The following MAMDC4 variants were observed in gnomAD, a reference collection of about 807,000 sequenced individuals.
MAMDC4 encodes the protein MAM domain containing 4, also known as apical endosomal glycoprotein.
In MAMDC4, 168 loss-of-function variants were observed where a neutral mutation model predicts 153.3. The ratio of observed to expected loss-of-function variants is 1.10; its 90% CI spans 0.97 to 1.25. The LOEUF is 1.25. Among genes scored for constraint, MAMDC4 ranks in the 50% most tolerant of loss-of-function variants. The probability of loss-of-function intolerance (pLI) is 0.00; values close to 1 mark genes in which losing one functional copy is unlikely to be tolerated. For missense variants in MAMDC4, 1,701 were observed against 1,542.8 expected, an observed-to-expected ratio of 1.10 and a Z score of -1.72; for synonymous variants, 744 against 651.5, an observed-to-expected ratio of 1.14 and a Z score of -2.16.
chr9:136,856,014 C>A lies in MAMDC4; in HGVS notation c.1589-4C>A. The stretch of plus-strand genomic sequence containing the variant: ...AGGCTCTGAGCACCATGCTCTTCCC[C>A]TAGGGCACTTCCTGTCTCTGCAGCG... On this transcript the variant is annotated splice_region_variant and splice_polypyrimidine_tract_variant and intron_variant, in intron 13 of 26. Transcript: ENST00000317446. 6.2e-7 allele frequency: 1 copy of A among 1,609,170 alleles called. No individual in the cohort carries two copies. Among genetic ancestry groups the A allele is most frequent in the Non-Finnish European group, 8.5e-7 (1 of 1,178,046 alleles).
At chr9:136,852,902 C>G (rs1848946267) in intron 1 of MAMDC4, among the ~76,000 whole-genome samples, 200 bp from the exon 2 acceptor site, 1 of 152,224 alleles carries the variant, frequency 6.6e-6, no homozygotes, top group South Asian at 2.1e-4. Context: ...CTCTTCAGGG[C>G]TGGAAACAGG....
chr9:136,855,367 C>T (rs1242883788), intron 11 of MAMDC4, 29 bp downstream of exon 11: 13 of 1,600,130 alleles, frequency 8.1e-6, no homozygotes, highest in Non-Finnish European at 1.1e-5. Context: ...CCCTACCCTG[C>T]CTTGCCCTGG....
rs553571736 is a variant in MAMDC4, at chr9:136,853,546, C to G, written c.330C>G (p.Gly110=). The stretch of plus-strand genomic sequence containing the variant: ...CTCCTGACCTCTCACCTGCGCCAGG[C>G]TGGTACATGGCCGTTGGAACCCACC... The part of the protein sequence containing the change: ...HSDHTLGTDL[G]WYMAVGTHRG... Residue 110 remains glycine (G), a splice_region_variant and synonymous_variant, in exon 4 of 27, where the codon GGC becomes GGG. Transcript: ENST00000317446. 2 of 1,612,692 alleles carry G rather than the reference C, an allele frequency of 1.2e-6. No homozygotes were observed. The highest frequency in any genetic ancestry group is 2.2e-5 in the East Asian group (1 of 44,882).
At chr9:136,858,610 C>T in intron 22 of MAMDC4, 64 bp downstream of exon 22, 1 of 1,580,914 alleles carries the variant, frequency 6.3e-7, no homozygotes, top group Non-Finnish European at 8.6e-7. Context: ...GCTGCCCACC[C>T]ACAGAGTACA....
At chr9:136,852,584 A>C in intron 1 of MAMDC4, 122 bp downstream of exon 1, 2 of 1,299,486 alleles carry the variant, frequency 1.5e-6, no homozygotes, top group Non-Finnish European at 2.2e-6. Flanking sequence ...GGAGGGTTGC[A>C]AGGTACTACC....
chr9:136,859,918 G>A lies in MAMDC4; in HGVS notation c.3226G>A (p.Val1076Met). 2 of 1,612,602 alleles carry A rather than the reference G, an allele frequency of 1.2e-6. No homozygotes were observed. Among genetic ancestry groups the A allele is most frequent in the South Asian group, 1.1e-5 (1 of 91,060 alleles). ...AGCCGCACCCGGGTCTGTGCCAGCT[G>A]TGGTTGGCAGTGCCCTCCTATTGCT... ...NTAAPGSVPAVVGSALLLLML... is the reference protein window; with the variant it reads ...NTAAPGSVPAMVGSALLLLML... The change falls in exon 26 of 27, where the codon GTG (valine) becomes ATG (methionine). Residue 1076 changes from valine to methionine, a missense_variant. By Grantham distance (21) the Val-to-Met change is conservative. Coordinates refer to ENST00000317446, the MANE Select transcript of MAMDC4 (RefSeq NM_206920.3).
intron 23 of MAMDC4, 39 bp from the exon 24 acceptor site, chr9:136,858,966 C>T: frequency 1.3e-6 from 2 of 1,509,980 alleles, no homozygotes; most frequent in Non-Finnish European, 8.9e-7. Context: ...GCAGGAGCCC[C>T]AGGACCCCAG....
chr9:136,855,931 A>G, intron 13 of MAMDC4, 83 bp downstream of exon 13: 1 of 1,535,736 alleles, frequency 6.5e-7, no homozygotes, highest in Non-Finnish European at 8.8e-7. Context: ...CCTCTGCACT[A>G]CAGAGGGTCT....
Position 136,852,370 on chromosome 9 carries a change from A to G in MAMDC4, c.-47A>G, listed in dbSNP as rs1412834559. On this transcript the variant is annotated 5_prime_UTR_variant, in exon 1 of 27. Transcript: ENST00000317446. ...CAGCGCAGGCTGATAACCGCACGGA[A>G]CTTCCCAGGCACCCTGTGTGGCCGC... The G allele has an allele frequency of 6.2e-7, 1 of 1,604,232 alleles. No individual in the cohort carries two copies. The highest frequency in any genetic ancestry group is 8.5e-7 in the Non-Finnish European group (1 of 1,179,050).
chr9:136,858,453 G>C lies in MAMDC4; in HGVS notation c.2728G>C (p.Gly910Arg), dbSNP rs138696111. Residue 910 changes from glycine (G) to arginine (R), a missense_variant, in exon 22 of 27, where the codon GGC (glycine) becomes CGC (arginine). Coordinates refer to ENST00000317446, the MANE Select transcript of MAMDC4 (RefSeq NM_206920.3). ...LCGWSHLAWP[G>R]LGGYSWDWGG... ...TGGCTGGAGCCACCTGGCCTGGCCC[G>C]GCCTGGGCGGATACAGCTGGGACTG... The C allele has an allele frequency of 6.2e-7, 1 of 1,607,686 alleles. No individual in the cohort carries two copies. Among genetic ancestry groups the C allele is most frequent in the Non-Finnish European group, 8.5e-7 (1 of 1,179,696 alleles).
chr9:136,853,137 T>G lies in MAMDC4; in HGVS notation c.82T>G (p.Cys28Gly). 6.2e-7 allele frequency: 1 copy of G among 1,612,778 alleles called. No individual in the cohort carries two copies. Among genetic ancestry groups the G allele is most frequent in the Admixed American group, 1.7e-5 (1 of 60,014 alleles). Residue 28 changes from cysteine (C) to glycine (G), a missense_variant, in exon 2 of 27, where the codon TGC (cysteine) becomes GGC (glycine). Cys to Gly is a radical substitution (Grantham distance 159, BLOSUM62 -3). Transcript: ENST00000317446. The part of the protein sequence containing the change: ...SSGWAWVPNH[C>G]RSPGQAVCNF... The stretch of plus-strand genomic sequence containing the variant: ...AGGCTGGGCCTGGGTCCCCAACCAC[T>G]GCAGGAGCCCTGGCCAGGCCGTGTG...
At chr9:136,855,689 G>A in intron 12 of MAMDC4, 43 bp from the exon 13 acceptor site, 1 of 1,568,686 alleles carries the variant, frequency 6.4e-7, no homozygotes, top group Non-Finnish European at 8.6e-7. Flanking sequence ...GGCAGGCTGA[G>A]GACTCTGAGG....
At chr9:136,855,899 C>T (rs942249173) in intron 13 of MAMDC4, 51 bp downstream of exon 13, 5 of 1,488,876 alleles carry the variant, frequency 3.4e-6, no homozygotes, top group Middle Eastern at 2.4e-4. Flanking sequence ...TGAGCAGCGT[C>T]CTCAGAGGGG....
At position 136,859,952 on chromosome 9, in the gene MAMDC4, T is replaced by C. The variant is rs760792029; in HGVS notation, c.3260T>C (p.Leu1087Pro). 2 of 1,613,064 alleles carry C rather than the reference T, an allele frequency of 1.2e-6. No individual in the cohort carries two copies. The highest frequency in any genetic ancestry group is 1.7e-6 in the Non-Finnish European group (2 of 1,179,936). ...VGSALLLLML[L>P]VLLGLGGRRW... is the part of the protein sequence containing the mutation. ...AGTGCCCTCCTATTGCTCATGCTCC[T>C]GGTGCTGCTGGGACTTGGGGGACGG... The change falls in exon 26 of 27, where the codon CTG (leucine) becomes CCG (proline). Residue 1087 changes from leucine to proline, a missense_variant. Leu to Pro is a moderately conservative substitution (Grantham distance 98). Coordinates refer to ENST00000317446, the MANE Select transcript of MAMDC4 (RefSeq NM_206920.3).
chr9:136,853,049 G>A, intron 1 of MAMDC4, 53 bp from the exon 2 acceptor site: 1 of 1,486,070 alleles, frequency 6.7e-7, no homozygotes. Flanking sequence ...TAGGCAGGCT[G>A]GGATGGCTGG....
intron 22 of MAMDC4, 81 bp from the exon 23 acceptor site, chr9:136,858,638 G>A (rs1472672210): frequency 3.0e-5 from 48 of 1,596,146 alleles, no homozygotes; most frequent in Non-Finnish European, 3.9e-5. Flanking sequence ...TCCAGAGGAG[G>A]CCCTGCTCAC....
At chr9:136,860,528 GA>G (rs1315756400) in intron 26 of MAMDC4, 33 bp from the exon 27 acceptor site, 1 of 1,598,680 alleles carries the variant, frequency 6.3e-7, no homozygotes. Flanking sequence ...TCTCAGGAAA[GA>G]AAGAAAAAAA....
chr9:136,857,672 G>A lies in MAMDC4; in HGVS notation c.2340G>A (p.Val780=). The A allele has an allele frequency of 1.2e-6, 2 of 1,612,568 alleles. No homozygotes were observed. Among genetic ancestry groups the A allele is most frequent in the Non-Finnish European group, 8.5e-7 (1 of 1,179,844 alleles). ...TTETAQGHYM[V]VDTSPDALPR... ...TGGCACCTCCAGGGCACTACATGGT[G>A]GTGGACACAAGCCCAGACGCACTAC... The change falls in exon 19 of 27, where the codon GTG becomes GTA. Residue 780 remains valine, a synonymous_variant. Coordinates refer to ENST00000317446, the MANE Select transcript of MAMDC4 (RefSeq NM_206920.3).
At position 136,854,634 on chromosome 9, in the gene MAMDC4, C is replaced by T. The variant is rs1258381238; in HGVS notation, c.892C>T (p.Pro298Ser). The T allele has an allele frequency of 1.6e-5, 26 of 1,608,964 alleles. No homozygotes were observed. The highest frequency in any genetic ancestry group is 1.9e-5 in the Non-Finnish European group (22 of 1,178,480). ...CCACCGCGCTGGTGGTCCTGAGCGC[C>T]CCTCCTGGCCACGCCGTGACCACAG... The part of the protein sequence containing the change: ...RNHRAGGPER[P>S]SWPRRDHSRN... Residue 298 changes from proline (P) to serine (S), a missense_variant, in exon 8 of 27, where the codon CCC becomes TCC. Physicochemically the swap from Pro to Ser is moderately conservative, Grantham distance 74. Coordinates refer to ENST00000317446, the MANE Select transcript of MAMDC4 (RefSeq NM_206920.3).
Sources: allele counts gnomAD v4.1 joint callset (sites outside exome capture counted in the v4.1 genomes callset), GRCh38; gene constraint gnomAD v4.1.1; transcripts MANE v1.5; gene names NCBI Gene and HGNC (gene_info 2026-07-23, HGNC 2026-07-21).